The following ACSS3 variants were observed in gnomAD, a reference collection of about 807,000 sequenced individuals.
ACSS3 encodes the protein acyl-CoA synthetase short-chain family member 3, mitochondrial.
A neutral mutation model predicts 84.2 loss-of-function variants in ACSS3; 64 were observed. The ratio of observed to expected loss-of-function variants is 0.76; its 90% CI spans 0.62 to 0.94. ACSS3 has a LOEUF of 0.94. ACSS3 is among the 40% of genes least tolerant of loss of function. The probability of loss-of-function intolerance (pLI) is 0.00; values close to 1 mark genes in which losing one functional copy is unlikely to be tolerated. For missense variants in ACSS3, 815 were observed against 867.6 expected (o/e 0.94, Z 0.76); for synonymous variants, 317 against 310.1 (o/e 1.02, Z -0.23).
In ACSS3 at chr12:81,078,185, C is replaced by G. The variant is rs575214916; in HGVS notation, c.65C>G (p.Pro22Arg). 1.4e-5 allele frequency: 21 copies of G among 1,546,602 alleles called. No homozygotes were observed. The South Asian group carries it at 2.2e-4, about 16-fold the overall frequency. ...GCCGGGGGGCTCGGAGGGCCCTTGC[C>G]TGGGTCCTCTCCGGCCCGGGGAGCC... ...TSAGGLGGPL[P>R]GSSPARGAGA... The change falls in exon 1 of 16, where the codon CCT becomes CGT. Residue 22 changes from proline to arginine, a missense_variant. Coordinates refer to ENST00000548058, the MANE Select transcript of ACSS3 (RefSeq NM_024560.4).
intron 10 of ACSS3, among the ~76,000 whole-genome samples, chr12:81,218,180 G>C (rs1317367398): frequency 2.0e-5 from 3 of 152,136 alleles, no homozygotes; most frequent in Non-Finnish European, 4.4e-5. Context: ...ATATGTCTTA[G>C]CTAGTAGTGC....
Position 81,256,354 on chromosome 12 carries a change from T to A in ACSS3, c.*1432T>A, listed in dbSNP as rs574733770. On this transcript the variant is annotated 3_prime_UTR_variant, in exon 16 of 16. Transcript: ENST00000548058. ...TTCCATTTAACTTCTAAAAATCTCT[T>A]AAATGTTTTTTTTAAATAATTGTAA... 8 of 152,178 alleles carry A rather than the reference T, an allele frequency of 5.3e-5. No individual in the cohort carries two copies. Among genetic ancestry groups the A allele is most frequent in the Non-Finnish European group, 8.8e-5 (6 of 68,008 alleles). 9.4% of individuals were successfully genotyped at this position (152,178 alleles called of 1,614,324 possible).
chr12:81,239,141 C>T (rs2033713615), intron 13 of ACSS3, among the ~76,000 whole-genome samples: 1 of 151,898 alleles, frequency 6.6e-6, no homozygotes, highest in African/African-American at 2.4e-5. Flanking sequence ...GTTGTTTAAT[C>T]TCCAATAATT....
chr12:81,241,356 T>C (rs2033796975), intron 13 of ACSS3, among the ~76,000 whole-genome samples: 7 of 152,128 alleles, frequency 4.6e-5, no homozygotes, highest in Admixed American at 4.6e-4. Context: ...TACCCAGTAA[T>C]GGGATGGCTG....
chr12:81,253,192 T>C, intron 13 of ACSS3, 115 bp from the exon 14 acceptor site: 1 of 1,160,022 alleles, frequency 8.6e-7, no homozygotes, highest in Non-Finnish European at 1.2e-6. Context: ...TGCACTTTTT[T>C]CCCCAACTGA....
rs903186881 is a variant in ACSS3 at position 81,255,540 on chromosome 12, C to G, written c.*618C>G. Reference sequence around the variant, plus strand: ...TTTGTTACTTAGGCAAGGAAAACCACATGTCTGACCTGGTTCAGCATGTAA... The same window carrying G: ...TTTGTTACTTAGGCAAGGAAAACCAGATGTCTGACCTGGTTCAGCATGTAA... On this transcript the variant is annotated 3_prime_UTR_variant, in exon 16 of 16. Transcript: ENST00000548058. 1 of 152,076 alleles carries G rather than the reference C, an allele frequency of 6.6e-6. No individual in the cohort carries two copies. The highest frequency in any genetic ancestry group is 1.5e-5 in the Non-Finnish European group (1 of 68,054). 9.4% of individuals were successfully genotyped at this position (152,076 alleles called of 1,614,324 possible).
chr12:81,091,576 T>A (rs992147875), intron 1 of ACSS3, among the ~76,000 whole-genome samples: 10 of 152,080 alleles, frequency 6.6e-5, no homozygotes, highest in African/African-American at 1.9e-4. Flanking sequence ...TAGACCTAAT[T>A]TGATGAAATT....
chr12:81,200,885 C>T (rs2032068796), intron 9 of ACSS3, among the ~76,000 whole-genome samples: 1 of 116,340 alleles, frequency 8.6e-6, no homozygotes, highest in Admixed American at 9.8e-5. Flanking sequence ...CAGAGCAAGA[C>T]TGTCAAAAAA....
At chr12:81,216,587 C>G (rs2032924401) in intron 9 of ACSS3, among the ~76,000 whole-genome samples, 1 of 152,012 alleles carries the variant, frequency 6.6e-6, no homozygotes, top group Non-Finnish European at 1.5e-5. Flanking sequence ...TGGAACCGTC[C>G]AAGTCACATA....
In ACSS3 at chr12:81,134,961, G is replaced by C. The variant is rs759671368; in HGVS notation, c.602G>C (p.Gly201Ala). Residue 201 changes from glycine to alanine, a missense_variant, in exon 3 of 16, where the codon GGA (glycine) becomes GCA (alanine). Coordinates refer to ENST00000548058, the MANE Select transcript of ACSS3 (RefSeq NM_024560.4). ...GCCATCCACAGTCTCATATTTGGAG[G>C]ATTTGCTTCCAAAGAACTAAGTAGT... is the stretch of plus-strand genomic sequence containing the variant. ...IGAIHSLIFG[G>A]FASKELSSRI... 9.3e-6 allele frequency: 15 copies of C among 1,605,486 alleles called. No individual in the cohort carries two copies. The highest frequency in any genetic ancestry group is 1.3e-5 in the Non-Finnish European group (15 of 1,175,296).
chr12:81,231,061 C>G lies in ACSS3; in HGVS notation c.1519C>G (p.Pro507Ala), dbSNP rs1389524588. ...RCLGNIVVKL[P>A]LPPGAFSGLW... ...ACTTCTCTGTTTTTATATAAGGTTA[C>G]CATTGCCACCTGGGGCTTTTTCAGG... The change falls in exon 12 of 16, where the codon CCA becomes GCA. Residue 507 changes from proline to alanine, a missense_variant. By Grantham distance (27) the Pro-to-Ala change is conservative (BLOSUM62 -1). Transcript: ENST00000548058. The G allele has an allele frequency of 4.3e-6, 7 of 1,609,586 alleles. No individual in the cohort carries two copies. Among genetic ancestry groups the G allele is most frequent in the Non-Finnish European group, 5.9e-6 (7 of 1,177,254 alleles).
chr12:81,241,820 T>C (rs867660685), intron 13 of ACSS3, among the ~76,000 whole-genome samples: 1 of 152,172 alleles, frequency 6.6e-6, no homozygotes, highest in Admixed American at 6.5e-5. Flanking sequence ...TCTTTTGCTG[T>C]GCAGAAGCTC....
At chr12:81,133,132 T>C (rs1321126034) in intron 2 of ACSS3, among the ~76,000 whole-genome samples, 1 of 151,810 alleles carries the variant, frequency 6.6e-6, no homozygotes, top group Admixed American at 6.6e-5. Context: ...TTTTTTTCTT[T>C]CTGTCTTTCA....
At chr12:81,105,089 A>G (rs1214126714) in intron 1 of ACSS3, among the ~76,000 whole-genome samples, 1 of 152,188 alleles carries the variant, frequency 6.6e-6, no homozygotes, top group Non-Finnish European at 1.5e-5. Context: ...ATTATGCGTT[A>G]TGCAGAATCA....
chr12:81,211,562 T>C (rs2032594442), intron 9 of ACSS3, among the ~76,000 whole-genome samples: 1 of 152,168 alleles, frequency 6.6e-6, no homozygotes, highest in Non-Finnish European at 1.5e-5. Flanking sequence ...TCTTGTGAAT[T>C]ATCATGTGAA....
intron 2 of ACSS3, among the ~76,000 whole-genome samples, chr12:81,126,455 C>G (rs1341919079): frequency 6.6e-6 from 1 of 152,124 alleles, no homozygotes; most frequent in Non-Finnish European, 1.5e-5. Flanking sequence ...TTCTCCTTGA[C>G]GTAGAATTAT....
Position 81,260,382 on chromosome 12 carries a change from A to G in ACSS3, c.*5460A>G, listed in dbSNP as rs946406177. 3 of 152,238 alleles carry G rather than the reference A, an allele frequency of 2.0e-5. No individual in the cohort carries two copies. The highest frequency in any genetic ancestry group is 4.4e-5 in the Non-Finnish European group (3 of 68,036). The allele number at this position is 152,238 out of a possible 1,614,324, so 9.4% of individuals were successfully genotyped here. On this transcript the variant is annotated 3_prime_UTR_variant, in exon 16 of 16. Coordinates refer to ENST00000548058, the MANE Select transcript of ACSS3 (RefSeq NM_024560.4). ...ATAGAGTAACTCTACCCATCACTTAAGAGCTAAGAAGCAAGCACTATTGAA... is the reference window on the plus strand; with the variant it reads ...ATAGAGTAACTCTACCCATCACTTAGGAGCTAAGAAGCAAGCACTATTGAA...
intron 13 of ACSS3, among the ~76,000 whole-genome samples, chr12:81,234,260 C>T (rs563616739): frequency 2.6e-5 from 4 of 151,142 alleles, no homozygotes; most frequent in East Asian, 1.9e-4. Context: ...AGAATTTCAT[C>T]GTGCAGCTGT....
rs1350070042 is a variant in ACSS3 at position 81,256,477 on chromosome 12, TCA to T, written c.*1556_*1557del. ...GATTTACTTAGGGATCTATATGACATCAGTTATCAAAGAATACATTTTAACCC... is the reference window on the plus strand; with the variant it reads ...GATTTACTTAGGGATCTATATGACATGTTATCAAAGAATACATTTTAACCC... On this transcript the variant is annotated 3_prime_UTR_variant, in exon 16 of 16. Transcript: ENST00000548058. The T allele has an allele frequency of 6.6e-6, 1 of 152,144 alleles. No individual in the cohort carries two copies. Among genetic ancestry groups the T allele is most frequent in the Non-Finnish European group, 1.5e-5 (1 of 68,012 alleles). The allele number at this position is 152,144 out of a possible 1,614,324, so 9.4% of individuals were successfully genotyped here. A position where few individuals can be genotyped will look rare whatever the true frequency, so the allele number is the denominator to read the frequency against.
Sources: gnomAD v4.1 joint callset for allele counts (sites outside exome capture counted in the v4.1 genomes callset) on GRCh38, gnomAD v4.1.1 for gene constraint, MANE v1.5 for transcripts, NCBI Gene and HGNC (gene_info 2026-07-23, HGNC 2026-07-21) for gene names.